The following PTH2R variants were observed in gnomAD, a reference collection of about 807,000 sequenced individuals.
The protein encoded by PTH2R is parathyroid hormone 2 receptor, also known as PTH2 receptor.
In PTH2R, 59 loss-of-function variants were observed where a neutral mutation model predicts 60.3. The ratio of observed to expected loss-of-function variants is 0.98; its 90% confidence interval spans 0.79 to 1.22. PTH2R has a LOEUF of 1.22. Ranked by LOEUF, PTH2R falls within the 50% of genes most tolerant of loss-of-function variation. PTH2R has a pLI of 0.00. For synonymous variants in PTH2R, 256 were observed against 243.8 expected (o/e 1.05, Z -0.47); for missense variants, 749 against 682.6 (o/e 1.10, Z -1.08).
chr2:208,399,547 A>G (rs1701270393), intron 1 of PTH2R, among the ~76,000 whole-genome samples: 1 of 152,170 alleles, frequency 6.6e-6, no homozygotes, highest in African/African-American at 2.4e-5. Context: ...CCTAGACACC[A>G]GGACTCAGAT....
Position 208,493,162 on chromosome 2 carries a change from A to G in PTH2R, c.1258-102A>G. 13 of 1,251,090 alleles carry G rather than the reference A, an allele frequency of 1.0e-5. No homozygotes were observed. The South Asian group carries it at 3.1e-4, about 30-fold the overall frequency. The allele number at this position is 1,251,090 out of a possible 1,614,324, so 77.5% of individuals were successfully genotyped here. ...CCTGGCACGTAGAGGAACCTCAATC[A>G]ATGATTATTGCTGTCATTGAAATCA... On this transcript the variant is annotated intron_variant, in intron 12 of 12. Transcript: ENST00000272847.
At chr2:208,415,041 G>A (rs1701612655) in intron 1 of PTH2R, among the ~76,000 whole-genome samples, 1 of 152,022 alleles carries the variant, frequency 6.6e-6, no homozygotes, top group Admixed American at 6.6e-5. Context: ...AACATGATAT[G>A]GTGTCTTGAT....
intron 1 of PTH2R, among the ~76,000 whole-genome samples, chr2:208,381,571 A>G (rs1403094490): frequency 2.6e-5 from 4 of 152,094 alleles, no homozygotes; most frequent in Non-Finnish European, 4.4e-5. Context: ...TATAGACCTG[A>G]GCCATGGTGT....
chr2:208,364,225 G>A (rs1700535816), intron 1 of PTH2R, among the ~76,000 whole-genome samples: 1 of 152,124 alleles, frequency 6.6e-6, no homozygotes, highest in East Asian at 1.9e-4. Flanking sequence ...TATGTTTGAT[G>A]CAGTCCCATT....
chr2:208,403,149 T>C (rs57801442), upstream of PTH2R, among the ~76,000 whole-genome samples: 52,453 of 152,152 alleles, frequency 0.34, 10,779 homozygotes, highest in Admixed American at 0.44. Context: ...GTTAAAAATA[T>C]GAGCTATTGT....
intron 1 of PTH2R, among the ~76,000 whole-genome samples, chr2:208,396,450 TAAAC>T (rs1476074180): frequency 9.2e-5 from 14 of 152,128 alleles, no homozygotes; most frequent in African/African-American, 3.4e-4. Flanking sequence ...ACAAAGAACT[TAAAC>T]AAATTTACAA....
intron 1 of PTH2R, among the ~76,000 whole-genome samples, chr2:208,377,026 A>C (rs541987169): frequency 6.6e-6 from 1 of 152,184 alleles, no homozygotes; most frequent in African/African-American, 2.4e-5. Flanking sequence ...GCGGGCTTCC[A>C]CAGTATTTGT....
Position 208,493,441 on chromosome 2 carries a change from G to A in PTH2R, c.1435G>A (p.Ala479Thr), listed in dbSNP as rs747786879. The A allele has an allele frequency of 3.1e-5, 50 of 1,609,700 alleles. No homozygotes were observed. Among genetic ancestry groups the A allele is most frequent in the Non-Finnish European group, 4.1e-5 (48 of 1,177,442 alleles). ...CATGGTGCTTATCTCTGGCAAAGCT[G>A]CCAAGATCGCCAGCAGACAGCCTGA... ...TRMVLISGKA[A>T]KIASRQPDSH... Residue 479 changes from alanine to threonine, a missense_variant, in exon 13 of 13, where the codon GCC becomes ACC. Coordinates refer to ENST00000272847, the MANE Select transcript of PTH2R (RefSeq NM_005048.4).
intron 1 of PTH2R, among the ~76,000 whole-genome samples, chr2:208,427,098 C>T (rs1386095095): frequency 3.3e-5 from 5 of 152,026 alleles, no homozygotes; most frequent in Non-Finnish European, 7.4e-5. Context: ...GAAATATTCA[C>T]GTTTGATAAT....
At chr2:208,490,123 T>A (rs570691477) in intron 11 of PTH2R, among the ~76,000 whole-genome samples, 2 of 152,198 alleles carry the variant, frequency 1.3e-5, no homozygotes, top group Non-Finnish European at 2.9e-5. Flanking sequence ...ATTTTATCCA[T>A]GTCTCTTCCT....
intron 10 of PTH2R, among the ~76,000 whole-genome samples, chr2:208,487,866 G>A (rs1405347415): frequency 6.6e-6 from 1 of 152,182 alleles, no homozygotes; most frequent in African/African-American, 2.4e-5. Context: ...ATGGTGGCTT[G>A]CTTCATCGAA....
intron 10 of PTH2R, among the ~76,000 whole-genome samples, chr2:208,483,219 CAGT>C (rs1158168694): frequency 6.6e-6 from 1 of 152,068 alleles, no homozygotes; most frequent in African/African-American, 2.4e-5. Flanking sequence ...AATATGCTGT[CAGT>C]GGTAGTATTA....
intron 1 of PTH2R, among the ~76,000 whole-genome samples, chr2:208,383,527 T>A (rs1212177817): frequency 6.6e-6 from 1 of 152,242 alleles, no homozygotes; most frequent in Non-Finnish European, 1.5e-5. Flanking sequence ...TGAAAACTCA[T>A]GGAACATTCA....
intron 10 of PTH2R, among the ~76,000 whole-genome samples, chr2:208,483,109 C>T (rs1703195342): frequency 6.6e-6 from 1 of 152,164 alleles, no homozygotes; most frequent in Non-Finnish European, 1.5e-5. Context: ...TACTGTTGAG[C>T]TGCAAAGACT....
rs935151807 is a variant in PTH2R at position 208,447,604 on chromosome 2, G to T, written c.853+2717G>T. 5.2e-4 allele frequency among the ~76,000 whole-genome samples: 38 copies of T among 72,668 alleles called. 1 individual carries two copies. Among genetic ancestry groups the T allele is most frequent in the African/African-American group, 1.6e-3 (36 of 22,936 alleles). 47.7% of individuals were successfully genotyped at this position (72,668 alleles called of 152,430 possible). ...CTCCATCTCAAAAAAAAAACAAAAAGAAAAATAAATAAATAAATAAATAAA... is the reference window on the plus strand; with the variant it reads ...CTCCATCTCAAAAAAAAAACAAAAATAAAAATAAATAAATAAATAAATAAA... On this transcript the variant is annotated intron_variant, in intron 7 of 12. Coordinates refer to ENST00000272847, the MANE Select transcript of PTH2R (RefSeq NM_005048.4).
At chr2:208,365,611 A>G (rs907934406) in intron 1 of PTH2R, among the ~76,000 whole-genome samples, 1 of 151,948 alleles carries the variant, frequency 6.6e-6, no homozygotes, top group African/African-American at 2.4e-5. Flanking sequence ...TTCATCAGAC[A>G]TATTGGGTAA....
intron 10 of PTH2R, 55 bp downstream of exon 10, chr2:208,481,219 C>CT (rs34570534): frequency 0.016 from 13,479 of 830,144 alleles, 3 homozygotes; most frequent in East Asian, 0.03. Context: ...TATTTCTTTC[C>CT]TTTTTTTTTT....
upstream of PTH2R, among the ~76,000 whole-genome samples, chr2:208,406,373 A>G (rs1487789505): frequency 2.0e-5 from 3 of 152,288 alleles, no homozygotes; most frequent in South Asian, 6.2e-4. Context: ...TATTATTATA[A>G]TGGTTAGGAG....
intron 9 of PTH2R, among the ~76,000 whole-genome samples, chr2:208,460,221 GT>G (rs1475625844): frequency 1.3e-5 from 2 of 152,086 alleles, no homozygotes; most frequent in Admixed American, 1.3e-4. Context: ...GCATTTATAT[GT>G]TTAGGGAGTT....
Sources: allele counts gnomAD v4.1 joint callset (sites outside exome capture counted in the v4.1 genomes callset), GRCh38; gene constraint gnomAD v4.1.1; transcripts MANE v1.5; gene names NCBI Gene and HGNC (gene_info 2026-07-23, HGNC 2026-07-21).